The following AKAP9 variants were observed in gnomAD, a reference collection of about 807,000 sequenced individuals.
AKAP9 encodes A-kinase anchor protein 9.
Under a neutral mutation model 488.5 loss-of-function variants are expected in AKAP9, and 311 were observed. The ratio of observed to expected loss-of-function variants is 0.64; its 90% CI spans 0.58 to 0.70. The LOEUF is 0.70. Ranked by LOEUF, AKAP9 falls within the 30% of genes least tolerant of loss-of-function variation. AKAP9 has a pLI of 0.00. For synonymous variants in AKAP9, 1,462 were observed against 1,483.5 expected (o/e 0.99, Z 0.33); for missense variants, 4,215 against 4,374.5 (o/e 0.96, Z 1.03).
chr7:92,072,826 T>G (rs748452564), intron 28 of AKAP9, among the ~76,000 whole-genome samples: 21 of 152,216 alleles, frequency 1.4e-4, no homozygotes, highest in Admixed American at 4.6e-4. Flanking sequence ...TAGACAGTAC[T>G]AAGTATTTAA....
intron 21 of AKAP9, among the ~76,000 whole-genome samples, chr7:92,048,844 T>A (rs914052115): frequency 4.0e-5 from 6 of 149,970 alleles, no homozygotes; most frequent in African/African-American, 1.5e-4. Flanking sequence ...AGGTGGAGGT[T>A]GCAGTGAGCC....
chr7:91,995,638 T>C lies in AKAP9; in HGVS notation c.768T>C (p.His256=), dbSNP rs777691696. The C allele has an allele frequency of 3.1e-6, 5 of 1,614,126 alleles. No homozygotes were observed. The South Asian group carries it at 4.4e-5, about 14-fold the overall frequency. ...GTGAAACTCTGAGAAACAGCACTCA[T>C]AGTAGCACAGCTGCAGACTTACTAC... ...QASETLRNST[H]SSTAADLLQA... Residue 256 remains histidine (H), a synonymous_variant, in exon 7 of 50, where the codon CAT becomes CAC. Coordinates refer to ENST00000356239, the MANE Select transcript of AKAP9 (RefSeq NM_005751.5).
intron 3 of AKAP9, among the ~76,000 whole-genome samples, chr7:91,984,749 A>G (rs1467573420): frequency 6.6e-6 from 1 of 152,158 alleles, no homozygotes; most frequent in South Asian, 2.1e-4. Flanking sequence ...AATATTGATT[A>G]TTCCTATCCA....
chr7:91,980,495 C>CTTTTTTTTGTTTTT (rs1796258585), intron 3 of AKAP9, among the ~76,000 whole-genome samples, 162 bp downstream of exon 3: 1 of 48,756 alleles, frequency 2.1e-5, no homozygotes, highest in Non-Finnish European at 3.3e-5. Context: ...GTATTACTGA[C>CTTTTTTTTGTTTTT]TTTTTTTTTT....
At chr7:92,063,961 T>C (rs1361191547) in intron 24 of AKAP9, among the ~76,000 whole-genome samples, 1 of 152,112 alleles carries the variant, frequency 6.6e-6, no homozygotes, top group African/African-American at 2.4e-5. Flanking sequence ...TTTGTACTTT[T>C]AGTAGAGATG....
In AKAP9 at chr7:92,001,635, C is replaced by T. The variant is rs1009919389; in HGVS notation, c.1718C>T (p.Ala573Val). Residue 573 changes from alanine (A) to valine (V), a missense_variant, in exon 8 of 50, where the codon GCT (alanine) becomes GTT (valine). Transcript: ENST00000356239. ...CTTAGTACAGTGGAAGATTTGAAAGCTGAGATTGTTTCTGCATCTGAATCC... is the reference window on the plus strand; with the variant it reads ...CTTAGTACAGTGGAAGATTTGAAAGTTGAGATTGTTTCTGCATCTGAATCC... The part of the protein sequence containing the change: ...KSLSTVEDLK[A>V]EIVSASESRK... 6.2e-7 allele frequency: 1 copy of T among 1,613,362 alleles called. No individual in the cohort carries two copies.
chr7:92,089,259 A>C, intron 37 of AKAP9, 126 bp from the exon 38 acceptor site: 1 of 962,020 alleles, frequency 1.0e-6, no homozygotes, highest in East Asian at 2.7e-5. Flanking sequence ...AGGAAAAATA[A>C]GAAAATTTTT....
rs762606606 is a variant in AKAP9, at chr7:92,089,528, A to G, written c.9357A>G (p.Gln3119=). The part of the protein sequence containing the change: ...KREQESEKPS[Q]ELLEYNIQQK... ...AACAAGAGAGTGAGAAACCAAGCCAAGGTATGTTGTATGACAAGCTCATAT... is the reference window on the plus strand; with the variant it reads ...AACAAGAGAGTGAGAAACCAAGCCAGGGTATGTTGTATGACAAGCTCATAT... The change falls in exon 38 of 50, where the codon CAA becomes CAG. Residue 3119 remains glutamine (Q), a splice_region_variant and synonymous_variant. Transcript: ENST00000356239. 1 of 1,613,170 alleles carries G rather than the reference A, an allele frequency of 6.2e-7. No homozygotes were observed. The highest frequency in any genetic ancestry group is 8.5e-7 in the Non-Finnish European group (1 of 1,179,464).
At chr7:92,048,664 T>A (rs1385516097) in intron 21 of AKAP9, among the ~76,000 whole-genome samples, 2 of 152,194 alleles carry the variant, frequency 1.3e-5, no homozygotes. Context: ...CCCAACACTT[T>A]GGGAGGCCAA....
chr7:91,972,052 AT>A (rs1296809313), intron 1 of AKAP9, among the ~76,000 whole-genome samples: 3 of 130,910 alleles, frequency 2.3e-5, no homozygotes, highest in African/African-American at 9.0e-5. Flanking sequence ...AATGTATATG[AT>A]GTCTTTAGCC....
At chr7:92,041,485 C>T (rs182003856) in intron 18 of AKAP9, 3 of 154,348 alleles carry the variant, frequency 1.9e-5, no homozygotes, top group Admixed American at 1.3e-4. Flanking sequence ...ATTCTTATCC[C>T]TTTCTTGACT....
At chr7:91,955,143 G>A (rs1449035908) in intron 1 of AKAP9, among the ~76,000 whole-genome samples, 1 of 152,156 alleles carries the variant, frequency 6.6e-6, no homozygotes, top group Non-Finnish European at 1.5e-5. Context: ...AAGAATCTAA[G>A]TGACTGACCT....
intron 1 of AKAP9, among the ~76,000 whole-genome samples, chr7:91,962,891 A>C (rs1033326099): frequency 6.6e-6 from 1 of 152,158 alleles, no homozygotes; most frequent in Non-Finnish European, 1.5e-5. Flanking sequence ...TGCACATCTG[A>C]ATAAATATTA....
intron 40 of AKAP9, 107 bp downstream of exon 40, chr7:92,095,280 A>G: frequency 7.8e-7 from 1 of 1,281,316 alleles, no homozygotes. Context: ...TTAATAAGAT[A>G]TGGTAAGTTG....
At chr7:92,015,656 G>A (rs762391543) in intron 10 of AKAP9, among the ~76,000 whole-genome samples, 8 of 151,992 alleles carry the variant, frequency 5.3e-5, no homozygotes, top group South Asian at 2.1e-4. Context: ...GAGCCACCAC[G>A]CCTGGCCTCT....
intron 14 of AKAP9, among the ~76,000 whole-genome samples, chr7:92,025,054 G>C (rs1802907227): frequency 6.6e-6 from 1 of 152,130 alleles, no homozygotes; most frequent in Admixed American, 6.5e-5. Flanking sequence ...ATACTCAATA[G>C]CTTTGAGATG....
chr7:92,030,975 G>C (rs576152381), intron 15 of AKAP9, among the ~76,000 whole-genome samples: 79 of 152,290 alleles, frequency 5.2e-4, no homozygotes, highest in African/African-American at 1.8e-3. Context: ...CCTTGATTCT[G>C]CTATACTCAT....
chr7:91,995,000 G>A (rs892651028), intron 6 of AKAP9, among the ~76,000 whole-genome samples: 1 of 151,992 alleles, frequency 6.6e-6, no homozygotes, highest in African/African-American at 2.4e-5. Context: ...TCTCTATTTT[G>A]AAATCTTACA....
chr7:92,045,029 T>A lies in AKAP9; in HGVS notation c.5184T>A (p.Asn1728Lys), dbSNP rs2130789875. 1 of 1,612,812 alleles carries A rather than the reference T, an allele frequency of 6.2e-7. No individual in the cohort carries two copies. The highest frequency in any genetic ancestry group is 2.2e-5 in the East Asian group (1 of 44,866). Residue 1728 changes from asparagine to lysine, a missense_variant, in exon 21 of 50, where the codon AAT becomes AAA. Coordinates refer to ENST00000356239, the MANE Select transcript of AKAP9 (RefSeq NM_005751.5). ...ACAGGTATGCACTCCAGAAAGCTAA[T>A]AATAGACTTTTGAAGATCCTCTTAG... is the stretch of plus-strand genomic sequence containing the variant. ...SNERYALQKANNRLLKILLEV... is the reference protein window; with the variant it reads ...SNERYALQKAKNRLLKILLEV...
Sources: allele counts gnomAD v4.1 joint callset (sites outside exome capture counted in the v4.1 genomes callset), GRCh38; gene constraint gnomAD v4.1.1; transcripts MANE v1.5; gene names NCBI Gene and HGNC (gene_info 2026-07-23, HGNC 2026-07-21).